Variants in TLK1 observed in about 807,000 individuals in gnomAD.
TLK1 encodes tousled like kinase 1.
Under a neutral mutation model 105.3 loss-of-function variants are expected in TLK1, and 24 were observed. The observed-to-expected ratio is 0.23, with a 90% CI of 0.17 to 0.32. TLK1 has a LOEUF of 0.32. Among genes scored for constraint, TLK1 ranks in the 10% least tolerant of loss-of-function variants. TLK1 has a pLI of 1.00. For missense variants in TLK1, 558 were observed against 910.5 expected, an observed-to-expected ratio of 0.61 and a Z score of 4.98; for synonymous variants, 321 against 310.4, an observed-to-expected ratio of 1.03 and a Z score of -0.36.
At position 171,143,506 on chromosome 2, in the gene TLK1, C is replaced by CAA. The variant is rs577555732; in HGVS notation, c.139+16782_139+16783dup. Among the ~76,000 whole-genome samples the CAA allele has an allele frequency of 4.3e-4, 19 of 44,302 alleles. 2 individuals carry two copies. Among genetic ancestry groups the CAA allele is most frequent in the Non-Finnish European group, 5.3e-4 (13 of 24,390 alleles). 29.1% of individuals were successfully genotyped at this position (44,302 alleles called of 152,430 possible). On this transcript the variant is annotated intron_variant, in intron 1 of 20. Transcript: ENST00000431350. The stretch of plus-strand genomic sequence containing the variant: ...GGGCAGAAGAGTGGGACTCTATCTC[C>CAA]AAAAAAAAAAAAAAAAAAAAAAAAA...
chr2:171,138,580 T>C (rs1691437447), intron 1 of TLK1, among the ~76,000 whole-genome samples: 1 of 152,198 alleles, frequency 6.6e-6, no homozygotes, highest in South Asian at 2.1e-4. Context: ...TCCTTGTAGT[T>C]TGTAAATACT....
At chr2:171,046,124 C>A in intron 11 of TLK1, 50 bp downstream of exon 11, 1 of 1,428,996 alleles carries the variant, frequency 7.0e-7, no homozygotes, top group Non-Finnish European at 9.3e-7. Context: ...GTAACATTCA[C>A]GCTCACTGGC....
At chr2:171,078,429 T>C (rs560221861) in intron 3 of TLK1, among the ~76,000 whole-genome samples, 97 of 152,180 alleles carry the variant, frequency 6.4e-4, no homozygotes, top group African/African-American at 2.1e-3. Flanking sequence ...TCTCAGCTAC[T>C]TGGGAGGCTG....
At chr2:171,026,802 T>C (rs564716590) in intron 12 of TLK1, among the ~76,000 whole-genome samples, 1 of 152,266 alleles carries the variant, frequency 6.6e-6, no homozygotes, top group African/African-American at 2.4e-5. Context: ...TTCCTTTATA[T>C]GGTTCTATCA....
chr2:171,132,430 A>G (rs1291712744), intron 1 of TLK1, among the ~76,000 whole-genome samples: 1 of 152,086 alleles, frequency 6.6e-6, no homozygotes, highest in Non-Finnish European at 1.5e-5. Context: ...ATATCCAGAA[A>G]CTCATAAAGT....
chr2:171,183,019 T>C (rs978644809), intron 1 of TLK1, among the ~76,000 whole-genome samples: 2 of 151,868 alleles, frequency 1.3e-5, no homozygotes, highest in East Asian at 3.8e-4. Flanking sequence ...GACAAACAGT[T>C]TATGGGGGTT....
intron 12 of TLK1, among the ~76,000 whole-genome samples, chr2:171,022,029 G>C (rs1685535229): frequency 6.6e-6 from 1 of 151,334 alleles, no homozygotes; most frequent in Non-Finnish European, 1.5e-5. Flanking sequence ...ATTGAACCTG[G>C]GAAGCGGAGG....
At chr2:171,053,991 T>C in intron 7 of TLK1, 138 bp from the exon 8 acceptor site, 2 of 603,532 alleles carry the variant, frequency 3.3e-6, no homozygotes, top group South Asian at 2.5e-5. Context: ...TCAAAAAGTT[T>C]TAGTGCAGTT....
At chr2:171,111,771 G>C (rs534903520) in intron 2 of TLK1, among the ~76,000 whole-genome samples, 10 of 152,132 alleles carry the variant, frequency 6.6e-5, no homozygotes, top group African/African-American at 2.2e-4. Flanking sequence ...AAACAGATAT[G>C]GTAGGGTAAT....
intron 1 of TLK1, among the ~76,000 whole-genome samples, chr2:171,141,818 A>G (rs891080388): frequency 1.6e-4 from 25 of 152,016 alleles, no homozygotes; most frequent in African/African-American, 5.1e-4. Flanking sequence ...CCAAATAGAG[A>G]AAAAAAAGAG....
intron 11 of TLK1, chr2:171,045,451 G>C (rs1336893689): frequency 1.2e-4 from 2 of 16,970 alleles, no homozygotes; most frequent in Non-Finnish European, 6.3e-4. Flanking sequence ...CTGACCTCAC[G>C]TGATCCACCC....
intron 10 of TLK1, among the ~76,000 whole-genome samples, chr2:171,049,552 T>C (rs1409002842): frequency 6.6e-6 from 1 of 152,184 alleles, no homozygotes; most frequent in Non-Finnish European, 1.5e-5. Context: ...AAACATCATC[T>C]GTAAAGCTAA....
chr2:171,058,418 A>G (rs1009878361), intron 4 of TLK1, among the ~76,000 whole-genome samples: 1 of 152,160 alleles, frequency 6.6e-6, no homozygotes, highest in African/African-American at 2.4e-5. Context: ...ATACTGCTTA[A>G]TAACTACTAA....
chr2:171,179,457 C>T (rs928325090), intron 1 of TLK1, among the ~76,000 whole-genome samples: 1 of 152,128 alleles, frequency 6.6e-6, no homozygotes, highest in African/African-American at 2.4e-5. Flanking sequence ...AGAGAGCTTT[C>T]AGAGGTTTTG....
At chr2:171,006,704 T>G in intron 16 of TLK1, 61 bp from the exon 17 acceptor site, 2 of 1,596,550 alleles carry the variant, frequency 1.3e-6, no homozygotes, top group Non-Finnish European at 1.7e-6. Context: ...AGAATCACAA[T>G]GGGGAAATGG....
intron 2 of TLK1, among the ~76,000 whole-genome samples, chr2:171,091,327 G>GC: frequency 6.6e-6 from 1 of 152,156 alleles, no homozygotes; most frequent in East Asian, 1.9e-4. Context: ...AACAATAGAT[G>GC]CCCCCATCTA....
chr2:171,048,590 T>C (rs1015589144), intron 10 of TLK1, among the ~76,000 whole-genome samples: 3 of 152,272 alleles, frequency 2.0e-5, no homozygotes, highest in Admixed American at 6.5e-5. Context: ...GTACACTATA[T>C]GTAAACCTTT....
intron 11 of TLK1, among the ~76,000 whole-genome samples, chr2:171,042,556 T>C (rs1686733376): frequency 6.6e-6 from 1 of 152,176 alleles, no homozygotes; most frequent in Admixed American, 6.5e-5. Flanking sequence ...TAAATGCTTG[T>C]GTATTGTAAT....
intron 2 of TLK1, among the ~76,000 whole-genome samples, chr2:171,098,977 G>C (rs576876948): frequency 6.6e-6 from 1 of 152,238 alleles, no homozygotes; most frequent in African/African-American, 2.4e-5. Context: ...ACCTGAGAAA[G>C]GACATTTATG....
Sources: allele counts gnomAD v4.1 joint callset (sites outside exome capture counted in the v4.1 genomes callset), GRCh38; gene constraint gnomAD v4.1.1; transcripts MANE v1.5; gene names NCBI Gene and HGNC (gene_info 2026-07-23, HGNC 2026-07-21).